ERBB4: variants seen among roughly 807,000 people sequenced by gnomAD.
The protein encoded by ERBB4 is receptor tyrosine-protein kinase erbB-4.
A neutral mutation model predicts 158.0 loss-of-function variants in ERBB4; 42 were observed. That is an observed-to-expected ratio of 0.27 (90% CI 0.21 to 0.34). The LOEUF (loss-of-function observed/expected upper bound fraction) is 0.34. Among genes scored for constraint, ERBB4 ranks in the 10% least tolerant of loss-of-function variants. The pLI, the probability that ERBB4 is intolerant of heterozygous loss-of-function variation, is 1.00. For synonymous variants in ERBB4, 583 were observed against 558.7 expected, an observed-to-expected ratio of 1.04 and a Z score of -0.61; for missense variants, 1,333 against 1,624.1, an observed-to-expected ratio of 0.82 and a Z score of 3.08.
chr2:211,413,044 C>T (rs567202508), intron 25 of ERBB4, among the ~76,000 whole-genome samples: 1 of 151,744 alleles, frequency 6.6e-6, no homozygotes, highest in Admixed American at 6.6e-5. Context: ...GCTTGTAATC[C>T]TAGTGCTTTG....
chr2:211,521,121 G>A (rs1295208646), intron 20 of ERBB4, among the ~76,000 whole-genome samples: 1 of 152,044 alleles, frequency 6.6e-6, no homozygotes, highest in Non-Finnish European at 1.5e-5. Flanking sequence ...TAAATCAAAA[G>A]CTAGAAATGA....
rs1036163965 is a variant in ERBB4 at position 212,085,332 on chromosome 2, A to G, written c.234+39420T>C. ...ATATTATTTACTCAAGTATTCCTAC[A>G]TGTGTATTATTTTGTTTCATGAATC... On this transcript the variant is annotated intron_variant, in intron 2 of 27. Transcript: ENST00000342788. 4.6e-5 allele frequency among the ~76,000 whole-genome samples: 7 copies of G among 151,966 alleles called. 1 individual carries two copies. In the South Asian group the frequency reaches 1.4e-3, roughly 31 times the overall value.
chr2:211,911,591 T>C (rs1362871834), intron 3 of ERBB4, among the ~76,000 whole-genome samples: 1 of 152,202 alleles, frequency 6.6e-6, no homozygotes, highest in Non-Finnish European at 1.5e-5. Context: ...AGCGTATCAA[T>C]ATTTTATTAA....
chr2:211,895,809 C>T (rs1477781357), intron 3 of ERBB4, among the ~76,000 whole-genome samples: 1 of 152,098 alleles, frequency 6.6e-6, no homozygotes, highest in African/African-American at 2.4e-5. Context: ...TTACTCTTGC[C>T]ATAAAACAGC....
At chr2:211,543,326 A>G (rs1201667347) in intron 20 of ERBB4, among the ~76,000 whole-genome samples, 2 of 152,008 alleles carry the variant, frequency 1.3e-5, no homozygotes, top group Non-Finnish European at 2.9e-5. Context: ...CTTGCCTACA[A>G]TCTAATTTCT....
intron 3 of ERBB4, among the ~76,000 whole-genome samples, chr2:211,925,425 A>G (rs913021513): frequency 1.5e-4 from 17 of 113,896 alleles, no homozygotes; most frequent in African/African-American, 6.1e-4. Context: ...CTCTGTCCCC[A>G]GGCTGGAGTG....
intron 2 of ERBB4, among the ~76,000 whole-genome samples, chr2:212,106,971 C>T (rs1048135045): frequency 5.3e-5 from 8 of 152,328 alleles, no homozygotes; most frequent in Admixed American, 6.5e-5. Context: ...GCCTGAATGT[C>T]CAGGCAGAAG....
chr2:212,191,943 C>CATATGTTATATATGTTAT lies in ERBB4; in HGVS notation c.83-67058_83-67041dup, dbSNP rs1221077309. 8.3e-5 allele frequency among the ~76,000 whole-genome samples: 8 copies of CATATGTTATATATGTTAT among 96,246 alleles called. No individual in the cohort carries two copies. In the East Asian group the frequency reaches 1.7e-3, roughly 21 times the overall value. The allele number at this position is 96,246 out of a possible 152,430, so 63.1% of individuals were successfully genotyped here. ...TATATGTTATATATTATATATGATG[C>CATATGTTATATATGTTAT]ATATGTTATATATGTTATATATGTT... On this transcript the variant is annotated intron_variant, in intron 1 of 27. Coordinates refer to ENST00000342788, the MANE Select transcript of ERBB4 (RefSeq NM_005235.3).
intron 5 of ERBB4, among the ~76,000 whole-genome samples, chr2:211,740,622 C>CTTTTTTTTTTT (rs1169540948): frequency 1.7e-3 from 150 of 90,152 alleles, no homozygotes; most frequent in East Asian, 2.3e-3. Context: ...TTTTCTTTGT[C>CTTTTTTTTTTT]TTTTTTTTTT....
At chr2:211,803,028 C>T (rs994369299) in intron 3 of ERBB4, among the ~76,000 whole-genome samples, 3 of 152,166 alleles carry the variant, frequency 2.0e-5, no homozygotes, top group Non-Finnish European at 2.9e-5. Flanking sequence ...AAGGAAAATC[C>T]TTTCACACAA....
intron 1 of ERBB4, among the ~76,000 whole-genome samples, chr2:212,243,816 AAAG>A (rs1032942218): frequency 3.3e-5 from 5 of 152,300 alleles, no homozygotes; most frequent in South Asian, 4.1e-4. Flanking sequence ...CAAACAAGAA[AAAG>A]AAGAAGAAAA....
chr2:212,489,932 T>C (rs1342183301), intron 1 of ERBB4, among the ~76,000 whole-genome samples: 1 of 151,690 alleles, frequency 6.6e-6, no homozygotes, highest in Non-Finnish European at 1.5e-5. Flanking sequence ...AAATCTCGAG[T>C]TGTCTTTTAC....
intron 20 of ERBB4, among the ~76,000 whole-genome samples, chr2:211,438,930 T>C (rs191056271): frequency 2.6e-5 from 4 of 152,090 alleles, no homozygotes; most frequent in African/African-American, 9.7e-5. Flanking sequence ...ATAATAAAAA[T>C]TATTGTTTGC....
At chr2:212,127,421 T>C (rs1026257459) in intron 1 of ERBB4, among the ~76,000 whole-genome samples, 2 of 152,096 alleles carry the variant, frequency 1.3e-5, no homozygotes, top group Non-Finnish European at 2.9e-5. Context: ...TGAAACCCCG[T>C]CTCAACTAAA....
chr2:211,528,166 T>C (rs1426870236), intron 20 of ERBB4, among the ~76,000 whole-genome samples: 2 of 151,988 alleles, frequency 1.3e-5, no homozygotes, highest in Non-Finnish European at 2.9e-5. Flanking sequence ...TGGAAAAAGA[T>C]ATTCCATGCC....
At chr2:212,453,398 T>C (rs973655551) in intron 1 of ERBB4, among the ~76,000 whole-genome samples, 4 of 152,206 alleles carry the variant, frequency 2.6e-5, no homozygotes, top group Non-Finnish European at 5.9e-5. Context: ...GCACCCAAGC[T>C]ATATCTAGCA....
chr2:211,996,242 T>C (rs1306186608), intron 2 of ERBB4, among the ~76,000 whole-genome samples: 1 of 152,128 alleles, frequency 6.6e-6, no homozygotes, highest in Non-Finnish European at 1.5e-5. Flanking sequence ...CCATATCTTT[T>C]CATAAAATTA....
At chr2:212,020,272 TA>T (rs1024553831) in intron 2 of ERBB4, among the ~76,000 whole-genome samples, 8 of 151,604 alleles carry the variant, frequency 5.3e-5, no homozygotes, top group African/African-American at 1.7e-4. Context: ...CTTTTCTCTC[TA>T]AAAAAAATAG....
Position 212,448,702 on chromosome 2 carries a change from C to T in ERBB4, c.82+89747G>A, listed in dbSNP as rs532753488. Among the ~76,000 whole-genome samples, 128 of 152,076 alleles carry T rather than the reference C, an allele frequency of 8.4e-4. 1 individual carries two copies. Among genetic ancestry groups the T allele is most frequent in the African/African-American group, 2.8e-3 (118 of 41,510 alleles). On this transcript the variant is annotated intron_variant, in intron 1 of 27. Transcript: ENST00000342788. ...GGAACCAAAATAATGAGCTTAAAAC[C>T]GCAGAAATCATTGTTTATGATTCAA...
Sources: allele counts gnomAD v4.1 joint callset (sites outside exome capture counted in the v4.1 genomes callset), GRCh38; gene constraint gnomAD v4.1.1; transcripts MANE v1.5; gene names NCBI Gene and HGNC (gene_info 2026-07-23, HGNC 2026-07-21).